SEMA5A: variants seen among roughly 807,000 people sequenced by gnomAD.
The protein encoded by SEMA5A is semaphorin-5A.
In SEMA5A, 55 loss-of-function variants were observed where a neutral mutation model predicts 135.5. The ratio of observed to expected loss-of-function variants is 0.41; its 90% confidence interval spans 0.33 to 0.51. SEMA5A has a LOEUF of 0.51. Ranked by LOEUF, SEMA5A falls within the 20% of genes least tolerant of loss-of-function variation. The probability of loss-of-function intolerance (pLI) is 0.37; values close to 1 mark genes in which losing one functional copy is unlikely to be tolerated. For synonymous variants in SEMA5A, 580 were observed against 546.5 expected, an observed-to-expected ratio of 1.06 and a Z score of -0.85; for missense variants, 1,290 against 1,419.9, an observed-to-expected ratio of 0.91 and a Z score of 1.47.
chr5:9,517,771 C>G (rs1736606882), intron 1 of SEMA5A: 1 of 152,130 alleles, frequency 6.6e-6, no homozygotes, highest in African/African-American at 2.4e-5. Context: ...ACAAAAGCAT[C>G]TAAGGGCTGT....
intron 5 of SEMA5A, among the ~76,000 whole-genome samples, chr5:9,317,862 G>A (rs2150666719): frequency 6.6e-6 from 1 of 152,168 alleles, no homozygotes; most frequent in East Asian, 1.9e-4. Flanking sequence ...AAGATCTCAG[G>A]TCCATTGTTC....
At chr5:9,499,013 G>A (rs953915482) in intron 1 of SEMA5A, among the ~76,000 whole-genome samples, 3 of 152,204 alleles carry the variant, frequency 2.0e-5, no homozygotes, top group Admixed American at 6.5e-5. Context: ...TGACAATGCC[G>A]CAACTATGTG....
At chr5:9,085,707 AG>A (rs1444226585) in intron 16 of SEMA5A, among the ~76,000 whole-genome samples, 1 of 152,212 alleles carries the variant, frequency 6.6e-6, no homozygotes, top group African/African-American at 2.4e-5. Context: ...GTGGGGTCAG[AG>A]CCCCCTCACA....
At chr5:9,085,385 G>A (rs1340476327) in intron 16 of SEMA5A, among the ~76,000 whole-genome samples, 5 of 152,188 alleles carry the variant, frequency 3.3e-5, no homozygotes, top group African/African-American at 4.8e-5. Context: ...GTGGTTACCT[G>A]GGCTGGGCCC....
At chr5:9,049,406 C>A (rs1387308598) in intron 21 of SEMA5A, among the ~76,000 whole-genome samples, 1 of 152,198 alleles carries the variant, frequency 6.6e-6, no homozygotes, top group Non-Finnish European at 1.5e-5. Flanking sequence ...CTCACGTGAT[C>A]TGCCTGCCTC....
chr5:9,157,788 A>T (rs1006666511), intron 11 of SEMA5A, among the ~76,000 whole-genome samples: 2 of 152,148 alleles, frequency 1.3e-5, no homozygotes, highest in Admixed American at 6.5e-5. Context: ...TGACAATGTT[A>T]TTTTCTTTCA....
At chr5:9,046,187 T>C (rs550271785) in intron 21 of SEMA5A, among the ~76,000 whole-genome samples, 1 of 152,274 alleles carries the variant, frequency 6.6e-6, no homozygotes, top group South Asian at 2.1e-4. Context: ...CCAGAGTGTC[T>C]CCTCCACACA....
intron 12 of SEMA5A, among the ~76,000 whole-genome samples, chr5:9,152,898 CCT>C (rs1328905041): frequency 2.3e-4 from 35 of 152,204 alleles, no homozygotes; most frequent in Non-Finnish European, 1.5e-5. Flanking sequence ...ATGGTGAAAC[CCT>C]GTCTCTACTA....
intron 1 of SEMA5A, among the ~76,000 whole-genome samples, chr5:9,523,478 T>G (rs578004441): frequency 6.6e-6 from 1 of 152,312 alleles, no homozygotes; most frequent in Admixed American, 6.5e-5. Flanking sequence ...TGTAAAATTG[T>G]TTACAAAAAT....
chr5:9,438,072 G>A (rs1183790601), intron 1 of SEMA5A, among the ~76,000 whole-genome samples: 1 of 152,130 alleles, frequency 6.6e-6, no homozygotes, highest in African/African-American at 2.4e-5. Context: ...CTTCAGAAAA[G>A]GAGAAATAAA....
At chr5:9,367,223 A>G (rs1291559351) in intron 3 of SEMA5A, 1 of 152,252 alleles carries the variant, frequency 6.6e-6, no homozygotes, top group Non-Finnish European at 1.5e-5. Context: ...CAACAGCTAC[A>G]CATGGCTAAT....
intron 16 of SEMA5A, among the ~76,000 whole-genome samples, chr5:9,068,826 T>C (rs918100189): frequency 3.9e-5 from 6 of 152,200 alleles, no homozygotes; most frequent in African/African-American, 7.2e-5. Context: ...GCAGGATCCA[T>C]AGGACTCTGT....
At chr5:9,504,332 T>C (rs1415781699) in intron 1 of SEMA5A, among the ~76,000 whole-genome samples, 1 of 152,028 alleles carries the variant, frequency 6.6e-6, no homozygotes, top group Non-Finnish European at 1.5e-5. Context: ...AAAAGTTTAT[T>C]TTTACAAATA....
chr5:9,187,629 T>C (rs981241842), intron 11 of SEMA5A, among the ~76,000 whole-genome samples: 1 of 152,230 alleles, frequency 6.6e-6, no homozygotes, highest in Non-Finnish European at 1.5e-5. Flanking sequence ...TCTTTACCCA[T>C]AATCCCAACT....
At chr5:9,195,306 T>C (rs915687227) in intron 10 of SEMA5A, among the ~76,000 whole-genome samples, 2 of 152,122 alleles carry the variant, frequency 1.3e-5, no homozygotes, top group African/African-American at 4.8e-5. Flanking sequence ...GCTAGGACTA[T>C]AGATGCATGA....
chr5:9,206,938 T>C (rs10056200), intron 8 of SEMA5A, among the ~76,000 whole-genome samples: 10,190 of 148,510 alleles, frequency 0.069, 428 homozygotes, highest in Middle Eastern at 0.14. Context: ...GTGGCTATTA[T>C]TATTTTGGCA....
At chr5:9,173,291 T>C (rs1226574273) in intron 11 of SEMA5A, among the ~76,000 whole-genome samples, 1 of 151,694 alleles carries the variant, frequency 6.6e-6, no homozygotes, top group East Asian at 1.9e-4. Flanking sequence ...TTTTTTTTTT[T>C]TTTTTTTTTG....
At chr5:9,480,941 T>G (rs572658461) in intron 1 of SEMA5A, among the ~76,000 whole-genome samples, 7 of 148,746 alleles carry the variant, frequency 4.7e-5, no homozygotes, top group Non-Finnish European at 7.4e-5. Flanking sequence ...GGTTTTTTGT[T>G]TTTTTGGTTT....
chr5:9,413,895 C>T (rs1172466736), intron 2 of SEMA5A, among the ~76,000 whole-genome samples: 1 of 152,090 alleles, frequency 6.6e-6, no homozygotes, highest in Non-Finnish European at 1.5e-5. Context: ...ATCGCTGGTC[C>T]TTTCAATGAA....
Sources: gnomAD v4.1 joint callset for allele counts (sites outside exome capture counted in the v4.1 genomes callset) on GRCh38, gnomAD v4.1.1 for gene constraint, MANE v1.5 for transcripts, NCBI Gene and HGNC (gene_info 2026-07-23, HGNC 2026-07-21) for gene names.